Variants in TOGARAM2 observed in about 807,000 individuals in gnomAD.
The protein encoded by TOGARAM2 is TOG array regulator of axonemal microtubules 2.
Under a neutral mutation model 93.3 loss-of-function variants are expected in TOGARAM2, and 85 were observed. That is an observed-to-expected ratio of 0.91 (90% CI 0.76 to 1.09). The LOEUF is 1.09. Among genes scored for constraint, TOGARAM2 ranks in the 50% least tolerant of loss-of-function variants. The pLI is 0.00. For missense variants in TOGARAM2, 1,277 were observed against 1,334.5 expected (o/e 0.96, Z 0.67); for synonymous variants, 593 against 552.8 (o/e 1.07, Z -1.02).
chr2:29,017,513 C>A (rs1379481865), intron 9 of TOGARAM2, among the ~76,000 whole-genome samples: 1 of 152,090 alleles, frequency 6.6e-6, no homozygotes, highest in Non-Finnish European at 1.5e-5. Context: ...CTCAAGGGAT[C>A]CTCCCACCTC....
intron 1 of TOGARAM2, among the ~76,000 whole-genome samples, chr2:28,984,559 A>G (rs1672378554): frequency 6.6e-6 from 1 of 152,208 alleles, no homozygotes. Context: ...GTGCTTGTTT[A>G]CAGTCTACAG....
chr2:28,964,368 A>G (rs1330916255), intron 1 of TOGARAM2, among the ~76,000 whole-genome samples: 2 of 151,286 alleles, frequency 1.3e-5, no homozygotes, highest in African/African-American at 4.9e-5. Context: ...TGGTTTTTCA[A>G]GTGGCTTCTT....
At chr2:29,039,872 A>C (rs1389640527) in intron 18 of TOGARAM2, among the ~76,000 whole-genome samples, 1 of 152,218 alleles carries the variant, frequency 6.6e-6, no homozygotes, top group Admixed American at 6.5e-5. Flanking sequence ...TCGCTAATGA[A>C]AACATCAGGC....
At chr2:29,021,760 C>T (rs1438192835) in intron 10 of TOGARAM2, among the ~76,000 whole-genome samples, 2 of 152,144 alleles carry the variant, frequency 1.3e-5, no homozygotes, top group Admixed American at 6.5e-5. Context: ...GAGGTTAGAC[C>T]GCCACCAAAG....
At chr2:28,972,808 G>A (rs11127196) in intron 1 of TOGARAM2, among the ~76,000 whole-genome samples, 22,174 of 152,124 alleles carry the variant, frequency 0.15, 2,390 homozygotes, top group East Asian at 0.61. Context: ...GTAGGGCTGG[G>A]AGCTGGGATA....
At chr2:28,960,629 A>G (rs72786127) in intron 1 of TOGARAM2, among the ~76,000 whole-genome samples, 1 of 152,198 alleles carries the variant, frequency 6.6e-6, no homozygotes, top group African/African-American at 2.4e-5. Context: ...AATGAGCCAC[A>G]TGCTGGATTA....
intron 19 of TOGARAM2, chr2:29,050,898 T>C (rs1667023982): frequency 6.6e-6 from 1 of 152,470 alleles, no homozygotes; most frequent in East Asian, 1.9e-4. Flanking sequence ...GAAGAGCTGG[T>C]TGGCAGATTC....
intron 1 of TOGARAM2, among the ~76,000 whole-genome samples, chr2:28,973,476 T>G (rs1343517221): frequency 7.7e-6 from 1 of 129,614 alleles, no homozygotes; most frequent in African/African-American, 2.9e-5. Context: ...CCTCCCTCCC[T>G]CCCTCCCTCC....
At chr2:28,988,936 C>T (rs1275543315) in intron 1 of TOGARAM2, among the ~76,000 whole-genome samples, 1 of 152,230 alleles carries the variant, frequency 6.6e-6, no homozygotes, top group African/African-American at 2.4e-5. Context: ...CCTGGCCTCC[C>T]TGGCTGTCCT....
intron 14 of TOGARAM2, among the ~76,000 whole-genome samples, chr2:29,030,175 C>A (rs977855663): frequency 3.0e-4 from 46 of 152,222 alleles, no homozygotes; most frequent in Admixed American, 2.6e-3. Context: ...ACTTGAGAGG[C>A]TGAGATAAGA....
intron 4 of TOGARAM2, among the ~76,000 whole-genome samples, chr2:29,002,249 C>T (rs564717303): frequency 1.2e-4 from 19 of 152,342 alleles, no homozygotes; most frequent in Admixed American, 5.9e-4. Flanking sequence ...CGGCCAGGAC[C>T]TGCCATGCTT....
At chr2:29,032,029 C>A (rs187395564) in intron 14 of TOGARAM2, among the ~76,000 whole-genome samples, 12 of 152,324 alleles carry the variant, frequency 7.9e-5, no homozygotes, top group Non-Finnish European at 1.2e-4. Flanking sequence ...CAGGCCTGCA[C>A]CATCTTTTTC....
In TOGARAM2 at chr2:28,998,514, C is replaced by T. The variant is rs574789511; in HGVS notation, c.139+261C>T. 2.0e-5 allele frequency among the ~76,000 whole-genome samples: 3 copies of T among 152,314 alleles called. No individual in the cohort carries two copies. The East Asian group carries it at 5.8e-4, about 29-fold the overall frequency. On this transcript the variant is annotated intron_variant, in intron 3 of 19. Coordinates refer to ENST00000379558, the MANE Select transcript of TOGARAM2 (RefSeq NM_199280.4). ...CGCCTGGACCTGGGAGTGCACTCAG[C>T]ACCCAGGTTGGCAATGGGGAGGGGG...
intron 18 of TOGARAM2, among the ~76,000 whole-genome samples, chr2:29,041,633 C>G (rs1333033839): frequency 2.0e-5 from 3 of 152,136 alleles, no homozygotes; most frequent in Non-Finnish European, 2.9e-5. Context: ...GGTGTAAGGC[C>G]CCTTAGACCT....
chr2:28,961,760 A>G (rs1671807188), intron 1 of TOGARAM2, among the ~76,000 whole-genome samples: 2 of 152,210 alleles, frequency 1.3e-5, no homozygotes, highest in South Asian at 4.1e-4. Flanking sequence ...TGTTATCCCA[A>G]AGATTCCCTT....
At chr2:29,022,590 A>T (rs1665028787) in intron 11 of TOGARAM2, among the ~76,000 whole-genome samples, 1 of 152,184 alleles carries the variant, frequency 6.6e-6, no homozygotes, top group Non-Finnish European at 1.5e-5. Context: ...CATGGCAAGG[A>T]TGCATTTGAT....
rs1489829700 is a variant in TOGARAM2, at chr2:29,027,013, TAGGGC to T, written c.2012+8_2012+12del. The T allele has an allele frequency of 6.4e-7, 1 of 1,555,626 alleles. No individual in the cohort carries two copies. The highest frequency in any genetic ancestry group is 8.7e-7 in the Non-Finnish European group (1 of 1,149,134). On this transcript the variant is annotated splice_donor_5th_base_variant and intron_variant, in intron 14 of 19. Transcript: ENST00000379558. ...ACAGGACTCCAACCAGGACACCAGG[TAGGGC>T]AGGGCCAGGGGCCTGGGGGCAGAGA...
At chr2:28,957,911 G>A (rs927727324) in intron 1 of TOGARAM2, among the ~76,000 whole-genome samples, 11 of 152,160 alleles carry the variant, frequency 7.2e-5, no homozygotes, top group Middle Eastern at 3.4e-3. Flanking sequence ...CCCTAGGAGG[G>A]GGACTATGGC....
chr2:29,041,966 C>A (rs757305927), intron 18 of TOGARAM2, among the ~76,000 whole-genome samples: 2 of 152,172 alleles, frequency 1.3e-5, no homozygotes, highest in African/African-American at 2.4e-5. Flanking sequence ...ATTCATTGAA[C>A]CCTTACAGCA....
Sources: allele counts gnomAD v4.1 joint callset (sites outside exome capture counted in the v4.1 genomes callset), GRCh38; gene constraint gnomAD v4.1.1; transcripts MANE v1.5; gene names NCBI Gene and HGNC (gene_info 2026-07-23, HGNC 2026-07-21).